ARK2C: variants seen among roughly 807,000 people sequenced by gnomAD.
ARK2C encodes the protein E3 ubiquitin-protein ligase ARK2C.
chr18:46,364,799 AAG>A, the ARK2C span, among the ~76,000 whole-genome samples: 4 of 152,070 alleles, frequency 2.6e-5, no homozygotes, highest in African/African-American at 9.7e-5. Context: ...GAACCTGCAG[AAG>A]AGTCAGGTCC....
the ARK2C span, chr18:46,447,547 G>A: frequency 1.2e-6 from 2 of 1,613,980 alleles, no homozygotes; most frequent in Admixed American, 3.3e-5. Flanking sequence ...GGTTCACTGA[G>A]GCTGTTTCCC....
chr18:46,434,814 C>G, the ARK2C span, among the ~76,000 whole-genome samples: 1 of 152,026 alleles, frequency 6.6e-6, no homozygotes, highest in Non-Finnish European at 1.5e-5. Context: ...TTCAAGGAGG[C>G]CTTCCTGGAG....
the ARK2C span, among the ~76,000 whole-genome samples, chr18:46,439,458 G>A: frequency 2.0e-5 from 3 of 152,148 alleles, no homozygotes; most frequent in Non-Finnish European, 4.4e-5. Flanking sequence ...CTGAGGCCCT[G>A]GCATTCCTCT....
the ARK2C span, among the ~76,000 whole-genome samples, chr18:46,454,047 A>T: frequency 6.9e-6 from 1 of 145,948 alleles, no homozygotes; most frequent in Non-Finnish European, 1.5e-5. Flanking sequence ...TGGGAGGTCA[A>T]GCCTGCAGTG....
chr18:46,353,144 T>G, the ARK2C span, among the ~76,000 whole-genome samples: 4 of 152,274 alleles, frequency 2.6e-5, no homozygotes, highest in Non-Finnish European at 5.9e-5. Context: ...GCTTGCATTT[T>G]CCATCTTATC....
chr18:46,413,042 G>A, the ARK2C span, among the ~76,000 whole-genome samples: 3 of 152,126 alleles, frequency 2.0e-5, no homozygotes, highest in Admixed American at 6.5e-5. Context: ...GAGTCTTCCC[G>A]CCTTAGCCGG....
At chr18:46,385,351 T>C in the ARK2C span, among the ~76,000 whole-genome samples, 3 of 152,164 alleles carry the variant, frequency 2.0e-5, no homozygotes, top group East Asian at 5.8e-4. Context: ...GATTGTTTTG[T>C]CTGGAAGGAA....
the ARK2C span, among the ~76,000 whole-genome samples, chr18:46,362,798 C>G: frequency 6.6e-6 from 1 of 152,214 alleles, no homozygotes; most frequent in Non-Finnish European, 1.5e-5. Context: ...AGTCCTCTTC[C>G]TTAAATTCTA....
At chr18:46,382,793 A>G in the ARK2C span, among the ~76,000 whole-genome samples, 6 of 152,224 alleles carry the variant, frequency 3.9e-5, no homozygotes, top group Admixed American at 2.0e-4. Flanking sequence ...TAGGTTCTTA[A>G]ATTAGAGACT....
the ARK2C span, among the ~76,000 whole-genome samples, chr18:46,384,185 A>G: frequency 6.6e-6 from 1 of 152,100 alleles, no homozygotes; most frequent in Non-Finnish European, 1.5e-5. Flanking sequence ...TTCCAGCCCA[A>G]CCTCATCTAC....
At chr18:46,429,681 T>C in the ARK2C span, among the ~76,000 whole-genome samples, 1 of 152,242 alleles carries the variant, frequency 6.6e-6, no homozygotes, top group Non-Finnish European at 1.5e-5. Flanking sequence ...CTTTGGATTG[T>C]TTTGTTTTCC....
chr18:46,434,369 A>G, the ARK2C span, among the ~76,000 whole-genome samples: 2 of 152,380 alleles, frequency 1.3e-5, no homozygotes, highest in East Asian at 1.9e-4. Context: ...TGTTAACACC[A>G]ATAATATATT....
the ARK2C span, chr18:46,337,756 C>T: frequency 9.6e-6 from 2 of 207,490 alleles, no homozygotes; most frequent in African/African-American, 4.9e-5. Context: ...ACCCACCACT[C>T]CCACCTCCCA....
At chr18:46,408,863 A>G in the ARK2C span, among the ~76,000 whole-genome samples, 3 of 152,202 alleles carry the variant, frequency 2.0e-5, no homozygotes, top group Admixed American at 6.5e-5. Context: ...TGGTACTGTT[A>G]TCTGTTTTCT....
At chr18:46,373,871 C>T in the ARK2C span, among the ~76,000 whole-genome samples, 78 of 152,290 alleles carry the variant, frequency 5.1e-4, no homozygotes, top group South Asian at 6.2e-4. Context: ...CTCCCACCCC[C>T]GGTCCCAGAC....
chr18:46,383,650 G>A, the ARK2C span, among the ~76,000 whole-genome samples: 2 of 151,128 alleles, frequency 1.3e-5, no homozygotes, highest in African/African-American at 2.4e-5. Context: ...TGCCTCCAGG[G>A]TTCATGCCAT....
At chr18:46,445,993 G>A in the ARK2C span, among the ~76,000 whole-genome samples, 1 of 150,808 alleles carries the variant, frequency 6.6e-6, no homozygotes, top group African/African-American at 2.4e-5. Flanking sequence ...TTGCATTCTT[G>A]TGTTGTCACT....
At chr18:46,429,078 G>A in the ARK2C span, among the ~76,000 whole-genome samples, 4 of 152,110 alleles carry the variant, frequency 2.6e-5, no homozygotes, top group South Asian at 8.3e-4. Context: ...AGGGGGTCCG[G>A]TGCCGCTTGC....
the ARK2C span, among the ~76,000 whole-genome samples, chr18:46,393,153 C>T: frequency 6.6e-6 from 1 of 152,184 alleles, no homozygotes; most frequent in African/African-American, 2.4e-5. Flanking sequence ...GATTTACTGA[C>T]ATCGTGGGTC....
Sources: allele counts gnomAD v4.1 joint callset (sites outside exome capture counted in the v4.1 genomes callset), GRCh38; gene constraint gnomAD v4.1.1; transcripts MANE v1.5; gene names NCBI Gene and HGNC (gene_info 2026-07-23, HGNC 2026-07-21).